Variants in TNRC6C observed in about 807,000 individuals in gnomAD.
The protein encoded by TNRC6C is trinucleotide repeat-containing gene 6C protein.
Under a neutral mutation model 153.7 loss-of-function variants are expected in TNRC6C, and 20 were observed. The observed-to-expected ratio is 0.13, with a 90% CI of 0.09 to 0.19. The LOEUF is 0.19. TNRC6C is among the 10% of genes least tolerant of loss of function. The pLI, the probability that TNRC6C is intolerant of heterozygous loss-of-function variation, is 1.00. For synonymous variants in TNRC6C, 811 were observed against 841.4 expected (o/e 0.96, Z 0.63); for missense variants, 1,987 against 2,172.0 (o/e 0.91, Z 1.69).
chr17:78,049,121 A>T lies in TNRC6C; in HGVS notation c.59A>T (p.Asn20Ile). Residue 20 changes from asparagine (N) to isoleucine (I), a missense_variant, in exon 3 of 20, where the codon AAT (asparagine) becomes ATT (isoleucine). Physicochemically the swap from Asn to Ile is moderately radical, Grantham distance 149. Coordinates refer to ENST00000301624, the Ensembl canonical transcript of TNRC6C. The surrounding 1 kb of genome is among the most constrained non-coding windows in gnomAD (Gnocchi z 4.1). ...GGACATACCAAGAAGACAAATGGCA[A>T]TAATGGCACCAATGGCGCACTCGTC... 1 of 1,591,380 alleles carries T rather than the reference A, an allele frequency of 6.3e-7. No individual in the cohort carries two copies. Among genetic ancestry groups the T allele is most frequent in the Non-Finnish European group, 8.6e-7 (1 of 1,168,242 alleles).
exon 20 of TNRC6C, chr17:78,107,581 A>C (rs1378115207): frequency 2.0e-5 from 3 of 152,184 alleles, no homozygotes; most frequent in African/African-American, 7.2e-5. Context: ...TCACATACGT[A>C]CCTCTCTCAC....
exon 2 of TNRC6C, chr17:78,031,584 A>G (rs2072075428): frequency 8.1e-7 from 1 of 1,232,346 alleles, no homozygotes; most frequent in South Asian, 4.1e-5. Context: ...TACTTCCACC[A>G]GCACTATCTC....
chr17:78,038,661 A>T (rs182171630), intron 2 of TNRC6C, among the ~76,000 whole-genome samples: 8 of 150,062 alleles, frequency 5.3e-5, no homozygotes, highest in Non-Finnish European at 1.0e-4. Flanking sequence ...CCTGGGCGAC[A>T]GAGCGAGACT....
intron 7 of TNRC6C, among the ~76,000 whole-genome samples, chr17:78,073,656 C>A (rs2144320851): frequency 6.6e-6 from 1 of 152,290 alleles, no homozygotes; most frequent in Middle Eastern, 3.4e-3. Context: ...GAATACCGAA[C>A]CAGTGCTCCT....
rs185990767 is a variant in TNRC6C, at chr17:78,024,656, C to T, written c.-545-6860C>T. ...CTGGGATTACAGGCGTGAGCCACCG[C>T]GCCTGGCCTATTTAGAGCAGTTTTA... is the stretch of plus-strand genomic sequence containing the variant. On this transcript the variant is annotated intron_variant, in intron 1 of 19. Coordinates refer to ENST00000301624, the Ensembl canonical transcript of TNRC6C. Among the ~76,000 whole-genome samples, 368 of 151,976 alleles carry T rather than the reference C, an allele frequency of 2.4e-3. 4 individuals carry two copies. Among genetic ancestry groups the T allele is most frequent in the Admixed American group, 0.022 (330 of 15,260 alleles).
At chr17:78,084,333 A>T (rs1193996291) in intron 11 of TNRC6C, among the ~76,000 whole-genome samples, 1 of 151,852 alleles carries the variant, frequency 6.6e-6, no homozygotes, top group East Asian at 1.9e-4. Flanking sequence ...GAAAAAAAAA[A>T]AAAAAAGAAT....
chr17:78,048,019 C>G (rs1383503603), intron 2 of TNRC6C, among the ~76,000 whole-genome samples: 1 of 152,076 alleles, frequency 6.6e-6, no homozygotes, highest in Non-Finnish European at 1.5e-5. Context: ...TTCTAGGGAT[C>G]TCCAAAGAAA....
chr17:78,077,276 A>T (rs1376073406), exon 9 of TNRC6C: 1 of 1,593,552 alleles, frequency 6.3e-7, no homozygotes, highest in African/African-American at 1.3e-5. Context: ...CTCCCCAGTC[A>T]GGCCCTGGGT....
chr17:78,091,937 T>C (rs2073401628), intron 14 of TNRC6C, among the ~76,000 whole-genome samples: 1 of 152,190 alleles, frequency 6.6e-6, no homozygotes, highest in Admixed American at 6.5e-5. Context: ...TTCAATAAAA[T>C]GGTAAAACAT....
chr17:78,040,891 T>C (rs1411634894), intron 2 of TNRC6C, among the ~76,000 whole-genome samples: 1 of 152,078 alleles, frequency 6.6e-6, no homozygotes, highest in Non-Finnish European at 1.5e-5. Flanking sequence ...GAAAGGGCAT[T>C]GCCCAGCCCT....
chr17:78,086,636 T>C (rs781678376), intron 12 of TNRC6C, 50 bp downstream of exon 14: 1 of 1,581,232 alleles, frequency 6.3e-7, no homozygotes, highest in Non-Finnish European at 8.7e-7. Context: ...TTTTCCCTGA[T>C]AGAAGAGACG....
intron 1 of TNRC6C, among the ~76,000 whole-genome samples, chr17:77,989,093 A>G (rs986667744): frequency 6.6e-6 from 1 of 152,204 alleles, no homozygotes; most frequent in Non-Finnish European, 1.5e-5. Context: ...ACTTAACACA[A>G]TGTTACTTTC....
chr17:78,077,425 TAATA>T (rs769722756), intron 9 of TNRC6C, 91 bp downstream of exon 11: 1 of 1,454,124 alleles, frequency 6.9e-7, no homozygotes, highest in Non-Finnish European at 9.3e-7. Context: ...TATTTATAGT[TAATA>T]CCTCTATTTT....
At chr17:78,043,123 T>C (rs1280511506) in intron 2 of TNRC6C, among the ~76,000 whole-genome samples, 1 of 152,118 alleles carries the variant, frequency 6.6e-6, no homozygotes, top group Non-Finnish European at 1.5e-5. Flanking sequence ...AGAGAGCAGC[T>C]GAAGTATGGA....
chr17:77,961,022 A>C (rs1307105074), intron 1 of TNRC6C, among the ~76,000 whole-genome samples: 1 of 152,202 alleles, frequency 6.6e-6, no homozygotes, highest in Non-Finnish European at 1.5e-5. Flanking sequence ...AGAAATTGAT[A>C]GCTCAGAAAA....
intron 1 of TNRC6C, among the ~76,000 whole-genome samples, chr17:77,988,454 C>G (rs1484836656): frequency 2.0e-5 from 3 of 152,220 alleles, no homozygotes; most frequent in Non-Finnish European, 4.4e-5. Flanking sequence ...TTCTCTTCAT[C>G]TGCCCATCTG....
upstream of TNRC6C, among the ~76,000 whole-genome samples, chr17:78,003,258 T>C (rs879722060): frequency 3.9e-5 from 6 of 152,190 alleles, no homozygotes; most frequent in Non-Finnish European, 8.8e-5. Context: ...AATTGGTATT[T>C]CAGTGCCTGA....
At chr17:77,999,819 T>G (rs2143139852), upstream of TNRC6C, among the ~76,000 whole-genome samples, 1 of 152,310 alleles carries the variant, frequency 6.6e-6, no homozygotes, top group Non-Finnish European at 1.5e-5. Context: ...TCATGACAGC[T>G]TGTTTCTTCA....
intron 2 of TNRC6C, among the ~76,000 whole-genome samples, chr17:78,034,348 C>T (rs1250762323): frequency 1.3e-5 from 2 of 152,070 alleles, no homozygotes; most frequent in African/African-American, 2.4e-5. Context: ...TGAGCCACCA[C>T]CCCCCAGCCT....
Sources: gnomAD v4.1 joint callset for allele counts (sites outside exome capture counted in the v4.1 genomes callset) on GRCh38, gnomAD v4.1.1 for gene constraint, Gnocchi (gnomAD v3.1) non-coding constraint, MANE v1.5 for transcripts, NCBI Gene and HGNC (gene_info 2026-07-23, HGNC 2026-07-21) for gene names.